The following GRIN2B variants were observed in gnomAD, a reference collection of about 807,000 sequenced individuals.
GRIN2B encodes the protein glutamate receptor ionotropic, NMDA 2B.
GRIN2B carries 5 observed loss-of-function variants against 114.5 expected under a neutral mutation model. That is an observed-to-expected ratio of 0.04 (90% CI 0.02 to 0.09). The LOEUF is 0.09. GRIN2B is among the 10% of genes least tolerant of loss of function. The pLI is 1.00. For synonymous variants in GRIN2B, 787 were observed against 745.1 expected (o/e 1.06, Z -0.92); for missense variants, 1,108 against 1,943.5 (o/e 0.57, Z 8.08).
At chr12:13,604,667 C>G (rs1949213091) in intron 10 of GRIN2B, among the ~76,000 whole-genome samples, 1 of 152,140 alleles carries the variant, frequency 6.6e-6, no homozygotes, top group South Asian at 2.1e-4. Flanking sequence ...ACAGAATATA[C>G]TTCCTCTCAT....
At chr12:13,677,580 C>T (rs1400247528) in intron 4 of GRIN2B, among the ~76,000 whole-genome samples, 2 of 152,094 alleles carry the variant, frequency 1.3e-5, no homozygotes, top group African/African-American at 4.8e-5. Flanking sequence ...AATCAACTAG[C>T]CTACCACTTC....
chr12:13,615,607 A>G lies in GRIN2B; in HGVS notation c.1386T>C (p.Ile462=), dbSNP rs2136480031. Residue 462 remains isoleucine (I), a synonymous_variant, in exon 7 of 14, where the codon ATT becomes ATC. Transcript: ENST00000609686. This position sits in a 1 kb window ranked among gnomAD's most constrained non-coding sequence, Gnocchi z 5.8. Reference sequence around the variant, plus strand: ...ATTTAGAAATTTTCTTAAGGATGTCAATACAGAACCCCTTGCAGCATTTTT... The same window carrying G: ...ATTTAGAAATTTTCTTAAGGATGTCGATACAGAACCCCTTGCAGCATTTTT... ...YIKKCCKGFC[I]DILKKISKSV... The G allele has an allele frequency of 1.2e-6, 2 of 1,612,482 alleles. No homozygotes were observed. Among genetic ancestry groups the G allele is most frequent in the Non-Finnish European group, 1.7e-6 (2 of 1,178,512 alleles).
At chr12:13,687,979 G>A (rs1950185807) in intron 4 of GRIN2B, among the ~76,000 whole-genome samples, 1 of 152,092 alleles carries the variant, frequency 6.6e-6, no homozygotes, top group African/African-American at 2.4e-5. Flanking sequence ...ACCCAACAAT[G>A]TTACCATTTA....
intron 2 of GRIN2B, among the ~76,000 whole-genome samples, chr12:13,887,695 A>C (rs1468922929): frequency 1.3e-5 from 2 of 152,246 alleles, no homozygotes; most frequent in East Asian, 3.8e-4. Flanking sequence ...AATTATGGAA[A>C]GTGAGTAATG....
At chr12:13,952,058 A>G (rs968139639) in intron 2 of GRIN2B, among the ~76,000 whole-genome samples, 2 of 150,856 alleles carry the variant, frequency 1.3e-5, no homozygotes, top group Admixed American at 6.6e-5. Flanking sequence ...AAAGATTTTT[A>G]TTGGGTTTTT....
chr12:13,711,362 G>C (rs933779750), intron 4 of GRIN2B, among the ~76,000 whole-genome samples: 4 of 152,112 alleles, frequency 2.6e-5, no homozygotes, highest in Admixed American at 2.0e-4. Context: ...GGCAACAAAA[G>C]CCAAAATTGA....
intron 2 of GRIN2B, among the ~76,000 whole-genome samples, chr12:13,878,753 G>C (rs1225302411): frequency 1.3e-5 from 2 of 152,282 alleles, no homozygotes; most frequent in African/African-American, 4.8e-5. Flanking sequence ...TGGTCTCCAG[G>C]TGCCTGGTCC....
chr12:13,597,406 G>A (rs1949088338), intron 10 of GRIN2B, among the ~76,000 whole-genome samples: 1 of 152,164 alleles, frequency 6.6e-6, no homozygotes, highest in Non-Finnish European at 1.5e-5. Context: ...AGTAGCAAAG[G>A]ATCAAAGGCT....
At chr12:13,836,727 T>G (rs1318196130) in intron 3 of GRIN2B, among the ~76,000 whole-genome samples, 2 of 152,198 alleles carry the variant, frequency 1.3e-5, no homozygotes, top group Non-Finnish European at 2.9e-5. Context: ...TCTCTTCTGT[T>G]GGGACCTGGA....
At chr12:13,973,054 T>G (rs1249367473) in intron 2 of GRIN2B, among the ~76,000 whole-genome samples, 2 of 152,204 alleles carry the variant, frequency 1.3e-5, no homozygotes, top group Non-Finnish European at 2.9e-5. Context: ...TAGTTAAGAA[T>G]GTCGGCCATT....
intron 5 of GRIN2B, among the ~76,000 whole-genome samples, chr12:13,670,671 T>A (rs1372778924): frequency 6.6e-6 from 1 of 152,116 alleles, no homozygotes; most frequent in Non-Finnish European, 1.5e-5. Flanking sequence ...TTAGGAGCCT[T>A]ACAAATGAGC....
At chr12:13,916,619 T>A (rs1266871694) in intron 2 of GRIN2B, among the ~76,000 whole-genome samples, 1 of 151,662 alleles carries the variant, frequency 6.6e-6, no homozygotes, top group Non-Finnish European at 1.5e-5. Context: ...GAAGCCAAGA[T>A]AGGAGGATCT....
chr12:13,869,859 T>A, intron 2 of GRIN2B, among the ~76,000 whole-genome samples: 1 of 152,344 alleles, frequency 6.6e-6, no homozygotes, highest in East Asian at 1.9e-4. Context: ...ACCATCTCTA[T>A]GCTATCATCG....
intron 2 of GRIN2B, among the ~76,000 whole-genome samples, chr12:13,916,163 G>C (rs747267101): frequency 5.9e-5 from 9 of 152,052 alleles, no homozygotes; most frequent in Non-Finnish European, 1.0e-4. Flanking sequence ...TTGAAAATGA[G>C]ATCTTTGACA....
rs1415050901 is a variant in GRIN2B at position 13,554,966 on chromosome 12, G to C, written c.*7817C>G. On this transcript the variant is annotated 3_prime_UTR_variant, in exon 14 of 14. Transcript: ENST00000609686. Reference sequence around the variant, plus strand: ...CAAGATGAAGTTGAGTGTTCAGAAGGTGACTGGAAGTATGTGTATGAAGGA... The same window carrying C: ...CAAGATGAAGTTGAGTGTTCAGAAGCTGACTGGAAGTATGTGTATGAAGGA... 2 of 152,184 alleles carry C rather than the reference G, an allele frequency of 1.3e-5. No homozygotes were observed. The highest frequency in any genetic ancestry group is 4.8e-5 in the African/African-American group (2 of 41,436). 9.4% of individuals were successfully genotyped at this position (152,184 alleles called of 1,614,324 possible). A position where few individuals can be genotyped will look rare whatever the true frequency, so the allele number is the denominator to read the frequency against.
At chr12:13,579,844 C>A (rs991623561) in intron 10 of GRIN2B, among the ~76,000 whole-genome samples, 1 of 152,164 alleles carries the variant, frequency 6.6e-6, no homozygotes, top group Non-Finnish European at 1.5e-5. Context: ...GAGGTGCACG[C>A]CATTGACATA....
chr12:13,612,163 A>G (rs1219817763), intron 8 of GRIN2B, among the ~76,000 whole-genome samples: 2 of 152,258 alleles, frequency 1.3e-5, no homozygotes, highest in African/African-American at 2.4e-5. Context: ...AGCACTAGCT[A>G]TGAAGTGAGT....
intron 3 of GRIN2B, among the ~76,000 whole-genome samples, chr12:13,862,684 A>AAAAC: frequency 6.6e-6 from 1 of 152,040 alleles, no homozygotes; most frequent in East Asian, 1.9e-4. Flanking sequence ...CAAAACAAAA[A>AAAAC]AAAAACCTGG....
intron 2 of GRIN2B, among the ~76,000 whole-genome samples, chr12:13,895,982 T>A (rs1378381984): frequency 6.6e-6 from 1 of 152,200 alleles, no homozygotes; most frequent in Non-Finnish European, 1.5e-5. Flanking sequence ...ACCAAATACA[T>A]GTGTGCATAC....
Sources: allele counts gnomAD v4.1 joint callset (sites outside exome capture counted in the v4.1 genomes callset), GRCh38; gene constraint gnomAD v4.1.1; non-coding constraint Gnocchi (gnomAD v3.1); transcripts MANE v1.5; gene names NCBI Gene and HGNC (gene_info 2026-07-23, HGNC 2026-07-21).